The following ASH1L variants were observed in gnomAD, a reference collection of about 807,000 sequenced individuals.
ASH1L encodes histone-lysine N-methyltransferase ASH1L.
ASH1L carries 23 observed loss-of-function variants against 269.0 expected under a neutral mutation model. The ratio of observed to expected loss-of-function variants is 0.09; its 90% CI spans 0.06 to 0.12. The LOEUF is 0.12. Ranked by LOEUF, ASH1L falls within the 10% of genes least tolerant of loss-of-function variation. ASH1L has a pLI of 1.00. For synonymous variants in ASH1L, 1,187 were observed against 1,253.5 expected, an observed-to-expected ratio of 0.95 and a Z score of 1.12; for missense variants, 2,912 against 3,567.8, an observed-to-expected ratio of 0.82 and a Z score of 4.68.
chr1:155,365,335 A>C (rs564218964), intron 12 of ASH1L, among the ~76,000 whole-genome samples: 114 of 150,278 alleles, frequency 7.6e-4, no homozygotes, highest in Non-Finnish European at 1.3e-3. Context: ...CCTCCTGAGT[A>C]GCTGGGACTA....
chr1:155,430,086 C>T (rs1571193405), intron 5 of ASH1L, among the ~76,000 whole-genome samples: 1 of 152,090 alleles, frequency 6.6e-6, no homozygotes, highest in Non-Finnish European at 1.5e-5. Flanking sequence ...AGCAATTCTC[C>T]TGCCTCAGCC....
At chr1:155,486,743 T>C (rs1451734524) in intron 2 of ASH1L, among the ~76,000 whole-genome samples, 1 of 152,108 alleles carries the variant, frequency 6.6e-6, no homozygotes, top group Non-Finnish European at 1.5e-5. Context: ...TATTAAGCAG[T>C]TTGTTTTAAA....
At chr1:155,359,121 A>G (rs1654707408) in intron 13 of ASH1L, among the ~76,000 whole-genome samples, 1 of 152,130 alleles carries the variant, frequency 6.6e-6, no homozygotes, top group South Asian at 2.1e-4. Context: ...TCCTGTCTTA[A>G]TAACAAAAAA....
chr1:155,403,320 AAAAAAAACC>A (rs1398392564), intron 6 of ASH1L, among the ~76,000 whole-genome samples: 2 of 151,954 alleles, frequency 1.3e-5, no homozygotes, highest in Non-Finnish European at 2.9e-5. Context: ...CTCCTGTTTC[AAAAAAAACC>A]AAAAAAACCC....
At chr1:155,387,419 G>C (rs1657527622) in intron 7 of ASH1L, among the ~76,000 whole-genome samples, 1 of 152,134 alleles carries the variant, frequency 6.6e-6, no homozygotes, top group Non-Finnish European at 1.5e-5. Context: ...TTTTTGTCAG[G>C]TTTGTTAAAG....
chr1:155,445,180 T>G (rs571775659), intron 4 of ASH1L, among the ~76,000 whole-genome samples: 1 of 152,272 alleles, frequency 6.6e-6, no homozygotes, highest in Admixed American at 6.5e-5. Flanking sequence ...ATAGTCACAT[T>G]TGTCAAAAAT....
At chr1:155,339,460 G>A (rs940305841) in intron 25 of ASH1L, 92 bp from the exon 26 acceptor site, 1 of 1,112,720 alleles carries the variant, frequency 9.0e-7, no homozygotes, top group Non-Finnish European at 1.3e-6. Context: ...AACACAGTAG[G>A]GCAGTAGACA....
intron 26 of ASH1L, 25 bp from the exon 27 acceptor site, chr1:155,338,415 G>T (rs769974938): frequency 6.3e-7 from 1 of 1,598,906 alleles, no homozygotes; most frequent in South Asian, 1.1e-5. Context: ...TCTGAATTTA[G>T]TGTAAGACAC....
At chr1:155,506,848 C>CT (rs1667849565) in intron 2 of ASH1L, among the ~76,000 whole-genome samples, 1 of 152,060 alleles carries the variant, frequency 6.6e-6, no homozygotes, top group Non-Finnish European at 1.5e-5. Context: ...AATCCTAGCA[C>CT]TTTGAGAGGC....
At chr1:155,437,312 A>G (rs1662184532) in intron 5 of ASH1L, among the ~76,000 whole-genome samples, 1 of 152,220 alleles carries the variant, frequency 6.6e-6, no homozygotes, top group South Asian at 2.1e-4. Flanking sequence ...ACACTTCTCT[A>G]AAGATACATA....
chr1:155,540,880 T>C (rs1176998361), intron 1 of ASH1L, among the ~76,000 whole-genome samples: 1 of 152,204 alleles, frequency 6.6e-6, no homozygotes, highest in Non-Finnish European at 1.5e-5. Flanking sequence ...CTTTAGAACA[T>C]ACAGTTAGTT....
chr1:155,511,726 G>A (rs984476092), intron 2 of ASH1L, among the ~76,000 whole-genome samples: 9 of 152,134 alleles, frequency 5.9e-5, no homozygotes, highest in East Asian at 1.9e-4. Context: ...GCATAGTCTC[G>A]ATCTCTTGAC....
At chr1:155,532,893 GTATGTATGTA>G (rs916586307) in intron 1 of ASH1L, among the ~76,000 whole-genome samples, 3 of 140,498 alleles carry the variant, frequency 2.1e-5, no homozygotes, top group Non-Finnish European at 3.0e-5. Context: ...ATATATATAT[GTATGTATGTA>G]TATGTATGTA....
At chr1:155,527,372 T>A (rs1272670022) in intron 1 of ASH1L, among the ~76,000 whole-genome samples, 5 of 152,076 alleles carry the variant, frequency 3.3e-5, no homozygotes, top group African/African-American at 9.7e-5. Flanking sequence ...ATACTTTCAC[T>A]GCCACCCCTC....
intron 5 of ASH1L, among the ~76,000 whole-genome samples, chr1:155,420,075 T>C (rs189413590): frequency 2.4e-4 from 36 of 151,868 alleles, no homozygotes; most frequent in African/African-American, 7.0e-4. Flanking sequence ...CCCAACACTG[T>C]GGGAGGATGA....
At chr1:155,518,164 C>T (rs547546615) in intron 2 of ASH1L, among the ~76,000 whole-genome samples, 2 of 152,134 alleles carry the variant, frequency 1.3e-5, no homozygotes, top group Non-Finnish European at 2.9e-5. Context: ...CTTCAAGAAA[C>T]GATGCTGAGA....
intron 5 of ASH1L, among the ~76,000 whole-genome samples, chr1:155,436,557 C>T (rs113929001): frequency 0.011 from 1,414 of 129,448 alleles, 34 homozygotes; most frequent in African/African-American, 0.04. Flanking sequence ...AGTGCAGTGG[C>T]GCAATCTCGG....
At position 155,478,504 on chromosome 1, in the gene ASH1L, T is replaced by G. The variant is rs975656554; in HGVS notation, c.4366A>C (p.Ser1456Arg). ...LLRQEAFLTTSRTPLLSMSTY... is the reference protein window; with the variant it reads ...LLRQEAFLTTRRTPLLSMSTY... ...CTCATGGAAAGGAGGGGAGTCCTGC[T>G]GGTTGTAAGAAAGGCCTCCTGTCGA... Residue 1456 changes from serine (S) to arginine (R), a missense_variant, in exon 3 of 28, where the codon AGC becomes CGC. By Grantham distance (110) the Ser-to-Arg change is moderately radical. Coordinates refer to ENST00000392403, the MANE Select transcript of ASH1L (RefSeq NM_018489.3). The surrounding 1 kb of genome is among the most constrained non-coding windows in gnomAD (Gnocchi z 4.6). The G allele has an allele frequency of 3.7e-6, 6 of 1,614,002 alleles. No individual in the cohort carries two copies. Among genetic ancestry groups the G allele is most frequent in the Non-Finnish European group, 5.1e-6 (6 of 1,180,028 alleles).
chr1:155,449,846 T>C (rs936886108), intron 4 of ASH1L, among the ~76,000 whole-genome samples: 1 of 152,158 alleles, frequency 6.6e-6, no homozygotes, highest in African/African-American at 2.4e-5. Flanking sequence ...TATTTTCCCA[T>C]TGGTTGACAA....
Sources: allele counts gnomAD v4.1 joint callset (sites outside exome capture counted in the v4.1 genomes callset), GRCh38; gene constraint gnomAD v4.1.1; non-coding constraint Gnocchi (gnomAD v3.1); transcripts MANE v1.5; gene names NCBI Gene and HGNC (gene_info 2026-07-23, HGNC 2026-07-21).